The following PLEKHA2 variants were observed in gnomAD, a reference collection of about 807,000 sequenced individuals.
The protein encoded by PLEKHA2 is pleckstrin homology domain-containing family A member 2.
In PLEKHA2, 28 loss-of-function variants were observed where a neutral mutation model predicts 53.2. The ratio of observed to expected loss-of-function variants is 0.53; its 90% CI spans 0.39 to 0.72. The LOEUF is 0.72. Among genes scored for constraint, PLEKHA2 ranks in the 30% least tolerant of loss-of-function variants. The pLI is 0.00. For synonymous variants in PLEKHA2, 193 were observed against 196.4 expected, an observed-to-expected ratio of 0.98 and a Z score of 0.14; for missense variants, 426 against 537.9, an observed-to-expected ratio of 0.79 and a Z score of 2.06.
At position 38,970,055 on chromosome 8, in the gene PLEKHA2, CCTATT is replaced by C; in HGVS notation, c.*281_*285del. The C allele has an allele frequency of 1.8e-6, 1 of 551,030 alleles. No individual in the cohort carries two copies. The highest frequency in any genetic ancestry group is 3.1e-6 in the Non-Finnish European group (1 of 317,952). 34.1% of individuals were successfully genotyped at this position (551,030 alleles called of 1,614,324 possible). A position where few individuals can be genotyped will look rare whatever the true frequency, so the allele number is the denominator to read the frequency against. On this transcript the variant is annotated 3_prime_UTR_variant, in exon 12 of 12. Transcript: ENST00000617275. ...GGCATACTCAGTGGAGAGGAAGCTA[CCTATT>C]CTATTCTAACTATTCTGAGGTCTTC... is the stretch of plus-strand genomic sequence containing the variant.
intron 2 of PLEKHA2, among the ~76,000 whole-genome samples, chr8:38,933,919 A>G (rs1460832335): frequency 6.6e-6 from 1 of 152,054 alleles, no homozygotes; most frequent in Non-Finnish European, 1.5e-5. Flanking sequence ...TTACTGCCTC[A>G]TTCGCAAAGG....
chr8:38,935,891 A>T, intron 2 of PLEKHA2, 103 bp from the exon 3 acceptor site: 1 of 1,022,568 alleles, frequency 9.8e-7, no homozygotes, highest in Non-Finnish European at 1.5e-6. Flanking sequence ...TAACTTGCTC[A>T]GTGTTGCCAG....
At chr8:38,969,338 G>A (rs1835198715) in intron 11 of PLEKHA2, 83 bp from the exon 12 acceptor site, 5 of 1,486,540 alleles carry the variant, frequency 3.4e-6, no homozygotes, top group Non-Finnish European at 4.5e-6. Flanking sequence ...TCCTGGTTGG[G>A]TACTCTTTCT....
At chr8:38,929,860 A>G (rs1834357932) in intron 2 of PLEKHA2, among the ~76,000 whole-genome samples, 2 of 151,846 alleles carry the variant, frequency 1.3e-5, no homozygotes. Flanking sequence ...GAGTGCTGAC[A>G]TGCTGTGAGT....
At position 38,918,218 on chromosome 8, in the gene PLEKHA2, A is replaced by G. The variant is rs989898969; in HGVS notation, c.141+148A>G. On this transcript the variant is annotated intron_variant, in intron 2 of 11. Transcript: ENST00000617275. ...GGGGACAACCCTACAACACACACAG[A>G]CACACACACAAATGCACATTCACGT... The G allele has an allele frequency of 6.6e-6, 7 of 1,062,512 alleles. No individual in the cohort carries two copies. In the African/African-American group the frequency reaches 1.2e-4, roughly 18 times the overall value. 65.8% of individuals were successfully genotyped at this position (1,062,512 alleles called of 1,614,324 possible).
At chr8:38,916,855 T>G (rs1834071064) in intron 1 of PLEKHA2, among the ~76,000 whole-genome samples, 1 of 152,246 alleles carries the variant, frequency 6.6e-6, no homozygotes, top group East Asian at 1.9e-4. Context: ...CAAACTGTTC[T>G]CCATAGTGGT....
At chr8:38,916,808 A>G (rs1834070362) in intron 1 of PLEKHA2, among the ~76,000 whole-genome samples, 1 of 152,228 alleles carries the variant, frequency 6.6e-6, no homozygotes, top group Non-Finnish European at 1.5e-5. Flanking sequence ...TTGCTGGATC[A>G]TATGGTAGAT....
rs192252606 is a variant in PLEKHA2, at chr8:38,955,077, A to G, written c.773+1710A>G. On this transcript the variant is annotated intron_variant, in intron 9 of 11. Coordinates refer to ENST00000617275, the MANE Select transcript of PLEKHA2 (RefSeq NM_021623.2). ...AATTTTTACATTTTTTAAAATTTCT[A>G]TCGTTTTGGGGGAACAGGTGGTGTT... 2.8e-3 allele frequency among the ~76,000 whole-genome samples: 422 copies of G among 152,270 alleles called. 4 individuals are homozygous for G. The highest frequency in any genetic ancestry group is 6.2e-3 in the Admixed American group (95 of 15,288).
At chr8:38,945,838 A>G (rs1834704094) in intron 4 of PLEKHA2, among the ~76,000 whole-genome samples, 1 of 152,230 alleles carries the variant, frequency 6.6e-6, no homozygotes, top group Non-Finnish European at 1.5e-5. Flanking sequence ...GCAGACCAGC[A>G]GCCTCATCAC....
chr8:38,945,436 C>A (rs573727267), intron 4 of PLEKHA2, among the ~76,000 whole-genome samples: 5 of 152,292 alleles, frequency 3.3e-5, no homozygotes, highest in African/African-American at 1.2e-4. Context: ...TTCCCTTGAG[C>A]GATTCTGTCT....
intron 3 of PLEKHA2, among the ~76,000 whole-genome samples, chr8:38,938,482 G>C (rs769506087): frequency 5.9e-5 from 9 of 152,076 alleles, no homozygotes; most frequent in Non-Finnish European, 1.2e-4. Context: ...AGGGGCCCCA[G>C]CTCCTCTTCC....
At chr8:38,919,013 C>T (rs1424236259) in intron 2 of PLEKHA2, among the ~76,000 whole-genome samples, 1 of 152,236 alleles carries the variant, frequency 6.6e-6, no homozygotes, top group Non-Finnish European at 1.5e-5. Flanking sequence ...TGCTCCTGCT[C>T]TTCCAGTCTG....
chr8:38,938,053 A>G (rs993140280), intron 3 of PLEKHA2, among the ~76,000 whole-genome samples: 13 of 152,356 alleles, frequency 8.5e-5, no homozygotes, highest in Middle Eastern at 3.4e-3. Context: ...CAACAGAACC[A>G]GTTCTTAGCA....
chr8:38,932,698 T>A (rs1834416295), intron 2 of PLEKHA2, among the ~76,000 whole-genome samples: 1 of 152,192 alleles, frequency 6.6e-6, no homozygotes, highest in Admixed American at 6.5e-5. Context: ...GTCCAGTCAC[T>A]GGAGTGGACC....
intron 2 of PLEKHA2, among the ~76,000 whole-genome samples, chr8:38,935,297 C>T (rs944072668): frequency 1.3e-5 from 2 of 152,134 alleles, no homozygotes; most frequent in African/African-American, 4.8e-5. Context: ...ACGTGAGCCA[C>T]TGTGCCTGGC....
rs144541661 is a variant in PLEKHA2, at chr8:38,951,469, G to GTTTTT, written c.486+499_486+503dup. 7.2e-4 allele frequency among the ~76,000 whole-genome samples: 66 copies of GTTTTT among 91,796 alleles called. 1 individual carries two copies. The highest frequency in any genetic ancestry group is 1.0e-3 in the African/African-American group (23 of 22,218). The allele number at this position is 91,796 out of a possible 152,430, so 60.2% of individuals were successfully genotyped here. A position where few individuals can be genotyped will look rare whatever the true frequency, so the allele number is the denominator to read the frequency against. Reference sequence around the variant, plus strand: ...GTTTTAATTATTTATATTTATTTAAGTTTTTTTTTTTTTTTTTTTTTTTTG... The same window carrying GTTTTT: ...GTTTTAATTATTTATATTTATTTAAGTTTTTTTTTTTTTTTTTTTTTTTTTTTTTG... On this transcript the variant is annotated intron_variant, in intron 6 of 11. Coordinates refer to ENST00000617275, the MANE Select transcript of PLEKHA2 (RefSeq NM_021623.2).
intron 5 of PLEKHA2, among the ~76,000 whole-genome samples, chr8:38,949,690 T>C (rs930701475): frequency 1.4e-4 from 21 of 152,258 alleles, no homozygotes; most frequent in Non-Finnish European, 2.8e-4. Flanking sequence ...TAATTATTAG[T>C]AACAACGTGG....
At chr8:38,941,171 C>T (rs993529729) in intron 3 of PLEKHA2, among the ~76,000 whole-genome samples, 1 of 151,888 alleles carries the variant, frequency 6.6e-6, no homozygotes, top group African/African-American at 2.4e-5. Flanking sequence ...ATTCTCCTGC[C>T]TCGGCCTCCC....
chr8:38,949,587 A>G (rs1333283965), intron 5 of PLEKHA2, among the ~76,000 whole-genome samples: 4 of 152,262 alleles, frequency 2.6e-5, no homozygotes, highest in African/African-American at 9.6e-5. Flanking sequence ...CCAACTAACA[A>G]TAAAAATTTT....
Sources: gnomAD v4.1 joint callset for allele counts (sites outside exome capture counted in the v4.1 genomes callset) on GRCh38, gnomAD v4.1.1 for gene constraint, MANE v1.5 for transcripts, NCBI Gene and HGNC (gene_info 2026-07-23, HGNC 2026-07-21) for gene names.